ADGRV1: variants seen among roughly 807,000 people sequenced by gnomAD.
ADGRV1 encodes the protein adhesion G protein-coupled receptor V1.
ADGRV1 carries 359 observed loss-of-function variants against 596.2 expected under a neutral mutation model. The observed-to-expected ratio is 0.60, with a 90% CI of 0.55 to 0.66. The LOEUF is 0.66. Among genes scored for constraint, ADGRV1 ranks in the 30% least tolerant of loss-of-function variants. ADGRV1 has a pLI of 0.00. For synonymous variants in ADGRV1, 2,681 were observed against 2,679.2 expected (o/e 1.00, Z -0.02); for missense variants, 7,274 against 7,575.6 (o/e 0.96, Z 1.48).
At chr5:90,804,788 T>A (rs1561769236) in intron 71 of ADGRV1, 1 of 151,434 alleles carries the variant, frequency 6.6e-6, no homozygotes, top group East Asian at 1.9e-4. Flanking sequence ...AGATGGGTAT[T>A]AAAAAAAAAC....
Position 91,072,477 on chromosome 5 carries a change from G to T in ADGRV1, c.18183G>T (p.Leu6061Phe). The change falls in exon 86 of 90, where the codon TTG becomes TTT. Residue 6061 changes from leucine to phenylalanine, a missense_variant. Around this residue, in one of 5 missense-constraint regions of ADGRV1, gnomAD observed 1,874 missense variants for 1,970.2 expected, o/e 0.95. Transcript: ENST00000405460. ...LCFIPNVYAA[L>F]FTAALVPLTC... ...TTATTCCAAACGTCTATGCTGCTTT[G>T]TTCACTGCAGCTCTTGTTCCTTTGA... 6.2e-7 allele frequency: 1 copy of T among 1,613,822 alleles called. No individual in the cohort carries two copies. The highest frequency in any genetic ancestry group is 8.5e-7 in the Non-Finnish European group (1 of 1,179,762).
rs1261043847 is a variant in ADGRV1, at chr5:90,690,011, G to A, written c.6641G>A (p.Arg2214Lys). 1 of 1,603,156 alleles carries A rather than the reference G, an allele frequency of 6.2e-7. No homozygotes were observed. Among genetic ancestry groups the A allele is most frequent in the Non-Finnish European group, 8.5e-7 (1 of 1,174,262 alleles). ...ATGAATGAAACAACAGGAGGAGCCA[G>A]ACTAGGGGCTTTAACAGAGGCAGTC... The part of the protein sequence containing the change: ...QLMNETTGGA[R>K]LGALTEAVII... Residue 2214 changes from arginine (R) to lysine (K), a missense_variant, in exon 30 of 90, where the codon AGA (arginine) becomes AAA (lysine). Arg to Lys is a conservative substitution (Grantham distance 26, BLOSUM62 2). Coordinates refer to ENST00000405460, the MANE Select transcript of ADGRV1 (RefSeq NM_032119.4).
At chr5:90,993,572 G>A (rs189370463) in intron 85 of ADGRV1, among the ~76,000 whole-genome samples, 1 of 152,242 alleles carries the variant, frequency 6.6e-6, no homozygotes, top group Non-Finnish European at 1.5e-5. Flanking sequence ...ATGACACAGA[G>A]TGTTAAAGTA....
chr5:90,758,357 G>A (rs1389094314), intron 57 of ADGRV1, among the ~76,000 whole-genome samples: 8 of 151,908 alleles, frequency 5.3e-5, no homozygotes, highest in Non-Finnish European at 1.2e-4. Context: ...ACAAAAAACC[G>A]GAATGCAAGT....
rs562903630 is a variant in ADGRV1, at chr5:90,727,336, G to A, written c.10162-1333G>A. ...TTACTCCTTTTTATTCTTTCACATCGAGTTTATCATTAAGTATTTTTGATT... is the reference window on the plus strand; with the variant it reads ...TTACTCCTTTTTATTCTTTCACATCAAGTTTATCATTAAGTATTTTTGATT... On this transcript the variant is annotated intron_variant, in intron 48 of 89. Coordinates refer to ENST00000405460, the MANE Select transcript of ADGRV1 (RefSeq NM_032119.4). 4.6e-5 allele frequency among the ~76,000 whole-genome samples: 7 copies of A among 152,008 alleles called. No homozygotes were observed. The South Asian group carries it at 8.3e-4, about 18-fold the overall frequency.
chr5:91,074,397 A>C (rs1182311428), intron 86 of ADGRV1, among the ~76,000 whole-genome samples: 1 of 151,814 alleles, frequency 6.6e-6, no homozygotes, highest in Non-Finnish European at 1.5e-5. Context: ...CTCAATATTT[A>C]CTCCCACTTA....
intron 67 of ADGRV1, among the ~76,000 whole-genome samples, chr5:90,785,293 A>G (rs1251774502): frequency 1.3e-5 from 2 of 152,004 alleles, no homozygotes; most frequent in Non-Finnish European, 2.9e-5. Context: ...ACCTAAAACC[A>G]TAAAAACCCT....
chr5:90,789,891 C>A, intron 69 of ADGRV1, 40 bp downstream of exon 69: 2 of 1,309,734 alleles, frequency 1.5e-6, no homozygotes, highest in South Asian at 2.7e-5. Flanking sequence ...ACCAGTTTGC[C>A]TAACAAATGT....
At chr5:90,666,686 A>T (rs1771463409) in intron 21 of ADGRV1, among the ~76,000 whole-genome samples, 1 of 147,160 alleles carries the variant, frequency 6.8e-6, no homozygotes, top group Admixed American at 6.8e-5. Context: ...TTGTTAGTTG[A>T]TGCAGTTTCT....
At chr5:91,008,977 T>C (rs1215836014) in intron 85 of ADGRV1, among the ~76,000 whole-genome samples, 1 of 152,114 alleles carries the variant, frequency 6.6e-6, no homozygotes, top group African/African-American at 2.4e-5. Context: ...CTAGAAAAAA[T>C]TCATATTTGT....
At chr5:90,903,952 C>G (rs372216985) in intron 83 of ADGRV1, among the ~76,000 whole-genome samples, 1 of 152,008 alleles carries the variant, frequency 6.6e-6, no homozygotes, top group African/African-American at 2.4e-5. Context: ...CATCCTTCTA[C>G]TCTCTATGTC....
At chr5:90,584,326 A>G (rs1316363868) in intron 1 of ADGRV1, among the ~76,000 whole-genome samples, 5 of 152,196 alleles carry the variant, frequency 3.3e-5, no homozygotes. Context: ...GTTTAAATTT[A>G]CCTTGAAGCT....
At chr5:90,558,975 C>T (rs2151934052) in intron 1 of ADGRV1, 58 bp downstream of exon 1, 6 of 1,479,076 alleles carry the variant, frequency 4.1e-6, no homozygotes, top group Admixed American at 2.0e-5. Flanking sequence ...GGGAGCGCCT[C>T]AGCATCAGCA....
chr5:90,605,197 A>G (rs1370017675), intron 1 of ADGRV1, among the ~76,000 whole-genome samples: 1 of 152,160 alleles, frequency 6.6e-6, no homozygotes, highest in East Asian at 1.9e-4. Flanking sequence ...CAGGCGGATC[A>G]TGAGGTCAAG....
chr5:90,827,511 G>A (rs13186025), intron 76 of ADGRV1, among the ~76,000 whole-genome samples: 37,099 of 151,984 alleles, frequency 0.24, 5,531 homozygotes, highest in Non-Finnish European at 0.35. Context: ...CAATGAAAAA[G>A]GAATATTTTT....
chr5:90,713,220 T>A (rs1246374470), intron 42 of ADGRV1, among the ~76,000 whole-genome samples: 1 of 152,086 alleles, frequency 6.6e-6, no homozygotes, highest in Admixed American at 6.6e-5. Context: ...TTATTGGCCT[T>A]TATGGAGAAA....
intron 85 of ADGRV1, among the ~76,000 whole-genome samples, chr5:91,058,970 TGCACA>T (rs1322338789): frequency 6.6e-6 from 1 of 152,242 alleles, no homozygotes; most frequent in African/African-American, 2.4e-5. Context: ...GAACTCATAC[TGCACA>T]GCACTTTTCT....
In ADGRV1 at chr5:91,163,978, C is replaced by T; in HGVS notation, c.*78C>T. The T allele has an allele frequency of 1.4e-6, 1 of 737,034 alleles. No homozygotes were observed. 45.7% of individuals were successfully genotyped at this position (737,034 alleles called of 1,614,324 possible). On this transcript the variant is annotated 3_prime_UTR_variant, in exon 90 of 90. Transcript: ENST00000405460. ...TGCTAAAACTCTCTAAGTACATCCA[C>T]CTGTGTAATAGGAACCTGTGAATTG...
At chr5:91,074,763 A>G (rs1788698013) in intron 86 of ADGRV1, among the ~76,000 whole-genome samples, 1 of 152,206 alleles carries the variant, frequency 6.6e-6, no homozygotes, top group Admixed American at 6.5e-5. Context: ...GCATTTCACA[A>G]TGGCTGAACT....
Sources: gnomAD v4.1 joint callset for allele counts (sites outside exome capture counted in the v4.1 genomes callset) on GRCh38, gnomAD v4.1.1 for gene constraint, gnomAD v4.1.1 regional missense constraint, MANE v1.5 for transcripts, NCBI Gene and HGNC (gene_info 2026-07-23, HGNC 2026-07-21) for gene names.